The following LYPD6B variants were observed in gnomAD, a reference collection of about 807,000 sequenced individuals.
The protein encoded by LYPD6B is LY6/PLAUR domain containing 6B.
LYPD6B carries 17 observed loss-of-function variants against 22.8 expected under a neutral mutation model. That is an observed-to-expected ratio of 0.75 (90% CI 0.51 to 1.12). LYPD6B has a LOEUF of 1.12. Ranked by LOEUF, LYPD6B falls within the 50% of genes most tolerant of loss-of-function variation. The probability of loss-of-function intolerance (pLI) is 0.00; values close to 1 mark genes in which losing one functional copy is unlikely to be tolerated. For missense variants in LYPD6B, 221 were observed against 258.3 expected (o/e 0.86, Z 0.99); for synonymous variants, 106 against 91.6 (o/e 1.16, Z -0.90).
intron 1 of LYPD6B, among the ~76,000 whole-genome samples, chr2:149,098,505 T>C (rs1686014399): frequency 6.6e-6 from 1 of 151,554 alleles, no homozygotes; most frequent in African/African-American, 2.4e-5. Context: ...CAGGCGCCTG[T>C]AATCCCAGCT....
chr2:149,120,444 G>A (rs1313542868), intron 1 of LYPD6B, among the ~76,000 whole-genome samples: 14 of 133,092 alleles, frequency 1.1e-4, no homozygotes, highest in South Asian at 2.5e-4. Flanking sequence ...GTGCAGTGGC[G>A]CGATCTCGGC....
chr2:149,086,847 G>A lies in LYPD6B; in HGVS notation c.-66-44036G>A, dbSNP rs576005166. On this transcript the variant is annotated intron_variant, in intron 1 of 6. Coordinates refer to ENST00000409642, the MANE Select transcript of LYPD6B (RefSeq NM_177964.5). ...GCTTCCACATGGCTGTCTTTTCTCTGTGTCTTCACATCAACTTCTCTCTGA... is the reference window on the plus strand; with the variant it reads ...GCTTCCACATGGCTGTCTTTTCTCTATGTCTTCACATCAACTTCTCTCTGA... 1.6e-4 allele frequency among the ~76,000 whole-genome samples: 24 copies of A among 152,250 alleles called. 1 individual carries two copies. The highest frequency in any genetic ancestry group is 4.1e-4 in the South Asian group (2 of 4,822).
chr2:149,183,466 T>C (rs970295035), intron 3 of LYPD6B, among the ~76,000 whole-genome samples: 11 of 152,174 alleles, frequency 7.2e-5, no homozygotes, highest in Admixed American at 6.5e-4. Context: ...CTGAGACATT[T>C]GTTCTATGTG....
chr2:149,188,687 G>GAA, intron 3 of LYPD6B: 4 of 982,442 alleles, frequency 4.1e-6, no homozygotes, highest in Non-Finnish European at 4.8e-6. Flanking sequence ...TGGTGACAGA[G>GAA]GATATATTCC....
intron 3 of LYPD6B, among the ~76,000 whole-genome samples, chr2:149,180,191 G>A (rs1245963276): frequency 6.6e-6 from 1 of 152,158 alleles, no homozygotes; most frequent in East Asian, 1.9e-4. Context: ...AAGGTGTGGG[G>A]AATACTTTTT....
chr2:149,073,380 T>C (rs1202373894), intron 1 of LYPD6B, among the ~76,000 whole-genome samples: 2 of 152,192 alleles, frequency 1.3e-5, no homozygotes, highest in Admixed American at 6.5e-5. Flanking sequence ...CACCCTTGTT[T>C]CCACCCTCAT....
At chr2:149,172,778 T>C (rs896294434) in intron 3 of LYPD6B, among the ~76,000 whole-genome samples, 2 of 151,934 alleles carry the variant, frequency 1.3e-5, no homozygotes, top group Non-Finnish European at 2.9e-5. Flanking sequence ...CAGAGGAGGA[T>C]TGAATTAGCT....
rs183658466 is a variant in LYPD6B at position 149,109,868 on chromosome 2, T to C, written c.-66-21015T>C. Reference sequence around the variant, plus strand: ...CTGGGATTACAGCTGCATGCCACCATGCCCAGCTAATTTTTGTATTTTAAT... The same window carrying C: ...CTGGGATTACAGCTGCATGCCACCACGCCCAGCTAATTTTTGTATTTTAAT... On this transcript the variant is annotated intron_variant, in intron 1 of 6. Transcript: ENST00000409642. Among the ~76,000 whole-genome samples the C allele has an allele frequency of 1.2e-3, 163 of 140,700 alleles. 1 individual carries two copies. Among genetic ancestry groups the C allele is most frequent in the Non-Finnish European group, 1.6e-3 (103 of 64,992 alleles). 92.3% of individuals were successfully genotyped at this position (140,700 alleles called of 152,430 possible).
chr2:149,055,304 G>A (rs1683740511), intron 1 of LYPD6B, among the ~76,000 whole-genome samples: 1 of 152,188 alleles, frequency 6.6e-6, no homozygotes, highest in Non-Finnish European at 1.5e-5. Context: ...TGCTTTGTGA[G>A]AGTTTTGAAA....
intron 1 of LYPD6B, among the ~76,000 whole-genome samples, chr2:149,088,542 A>C: frequency 6.6e-6 from 1 of 152,212 alleles, no homozygotes; most frequent in East Asian, 1.9e-4. Context: ...AGCAAGTCCC[A>C]GCCACACTGT....
chr2:149,049,227 A>G (rs1230603405), intron 1 of LYPD6B, among the ~76,000 whole-genome samples: 1 of 152,208 alleles, frequency 6.6e-6, no homozygotes, highest in Admixed American at 6.5e-5. Context: ...TTCTCATTTC[A>G]CTTTCAATGA....
chr2:149,182,089 G>T (rs1422854649), intron 3 of LYPD6B, among the ~76,000 whole-genome samples: 1 of 152,160 alleles, frequency 6.6e-6, no homozygotes, highest in Non-Finnish European at 1.5e-5. Context: ...TCACCATGTG[G>T]TTGTAAGAGT....
intron 2 of LYPD6B, among the ~76,000 whole-genome samples, chr2:149,149,991 C>T (rs1689268468): frequency 6.6e-6 from 1 of 152,130 alleles, no homozygotes; most frequent in Admixed American, 6.6e-5. Flanking sequence ...TATCTATGAC[C>T]TTTTGTTATA....
At chr2:149,208,499 T>A in intron 5 of LYPD6B, 87 bp downstream of exon 5, 1 of 1,105,448 alleles carries the variant, frequency 9.0e-7, no homozygotes, top group Non-Finnish European at 1.4e-6. Flanking sequence ...GAATCAGATG[T>A]ATTTTTTTCT....
chr2:149,201,193 G>T (rs1230743413), intron 3 of LYPD6B, among the ~76,000 whole-genome samples: 1 of 152,148 alleles, frequency 6.6e-6, no homozygotes, highest in Non-Finnish European at 1.5e-5. Context: ...CGATTATGTG[G>T]ATTCCTTTGA....
chr2:149,110,830 A>T (rs762537809), intron 1 of LYPD6B, among the ~76,000 whole-genome samples: 1 of 152,220 alleles, frequency 6.6e-6, no homozygotes, highest in South Asian at 2.1e-4. Context: ...GTTCTGTATC[A>T]GGTAGTAATA....
intron 1 of LYPD6B, among the ~76,000 whole-genome samples, chr2:149,041,889 C>G (rs773636314): frequency 6.6e-6 from 1 of 152,136 alleles, no homozygotes; most frequent in Non-Finnish European, 1.5e-5. Flanking sequence ...TTCCATACTC[C>G]CAATAGTAAT....
intron 1 of LYPD6B, among the ~76,000 whole-genome samples, chr2:149,059,463 C>G (rs6723935): frequency 1.2e-4 from 18 of 152,130 alleles, no homozygotes; most frequent in Non-Finnish European, 2.4e-4. Flanking sequence ...GAAACCGTTA[C>G]GAAAGAAGGA....
intron 1 of LYPD6B, among the ~76,000 whole-genome samples, chr2:149,053,748 C>A (rs1683667792): frequency 6.6e-6 from 1 of 152,176 alleles, no homozygotes; most frequent in Admixed American, 6.5e-5. Flanking sequence ...TTCCCACCTC[C>A]CCCCATTCCC....
Sources: gnomAD v4.1 joint callset for allele counts (sites outside exome capture counted in the v4.1 genomes callset) on GRCh38, gnomAD v4.1.1 for gene constraint, MANE v1.5 for transcripts, NCBI Gene and HGNC (gene_info 2026-07-23, HGNC 2026-07-21) for gene names.